The following CTNNA2 variants were observed in gnomAD, a reference collection of about 807,000 sequenced individuals.
CTNNA2 encodes the protein catenin alpha 2.
A neutral mutation model predicts 101.0 loss-of-function variants in CTNNA2; 42 were observed. The observed-to-expected ratio is 0.42, with a 90% CI of 0.32 to 0.54. CTNNA2 has a LOEUF of 0.54. Among genes scored for constraint, CTNNA2 ranks in the 20% least tolerant of loss-of-function variants. CTNNA2 has a pLI of 0.14. For synonymous variants in CTNNA2, 450 were observed against 456.4 expected (o/e 0.99, Z 0.18); for missense variants, 871 against 1,223.1 (o/e 0.71, Z 4.29).
chr2:79,306,563 G>C (rs1311926410), intron 2 of CTNNA2, among the ~76,000 whole-genome samples: 1 of 152,122 alleles, frequency 6.6e-6, no homozygotes, highest in Non-Finnish European at 1.5e-5. Context: ...ACACACTTTT[G>C]GTGGACACAG....
chr2:80,614,867 T>G (rs926564290), intron 17 of CTNNA2, among the ~76,000 whole-genome samples: 7 of 151,384 alleles, frequency 4.6e-5, no homozygotes, highest in African/African-American at 1.7e-4. Flanking sequence ...TGAAGACCTT[T>G]ATTTAGAAAT....
At chr2:79,758,419 C>T (rs944418141) in intron 3 of CTNNA2, among the ~76,000 whole-genome samples, 1 of 152,226 alleles carries the variant, frequency 6.6e-6, no homozygotes, top group Non-Finnish European at 1.5e-5. Context: ...TGTGACTCTT[C>T]TTTTTTTAAA....
At chr2:80,387,104 T>G (rs11126763) in intron 7 of CTNNA2, among the ~76,000 whole-genome samples, 1 of 151,934 alleles carries the variant, frequency 6.6e-6, no homozygotes, top group African/African-American at 2.4e-5. Flanking sequence ...TTGGCTAACA[T>G]GGTGAAACCC....
chr2:79,721,110 A>G (rs1402357033), intron 2 of CTNNA2, among the ~76,000 whole-genome samples: 1 of 151,570 alleles, frequency 6.6e-6, no homozygotes, highest in East Asian at 1.9e-4. Flanking sequence ...AATCTCAACC[A>G]TTAAGCTCAG....
rs532799896 is a variant in CTNNA2, at chr2:79,349,571, A to G, written c.-317-24260A>G. On this transcript the variant is annotated intron_variant, in intron 3 of 21. Transcript: ENST00000466387. ...CCAGCCAAATATAAATGGAAAGATA[A>G]TTAACATTCTATAGATTAGATACAC... Among the ~76,000 whole-genome samples the G allele has an allele frequency of 5.3e-5, 8 of 152,350 alleles. No homozygotes were observed. In the South Asian group the frequency reaches 1.2e-3, roughly 24 times the overall value.
Position 80,471,273 on chromosome 2 carries a change from A to G in CTNNA2, c.1290+51672A>G, listed in dbSNP as rs541369247. 5.6e-4 allele frequency among the ~76,000 whole-genome samples: 85 copies of G among 152,332 alleles called. 1 individual carries two copies. The highest frequency in any genetic ancestry group is 6.8e-3 in the Middle Eastern group (2 of 294). On this transcript the variant is annotated intron_variant, in intron 9 of 18. Coordinates refer to ENST00000402739, the MANE Select transcript of CTNNA2 (RefSeq NM_001282597.3). ...ATGGTGATTGTTCTTATCCATGAGA[A>G]AGCCAGGGTGCTTCCACGATAAGAT...
Position 79,867,167 on chromosome 2 carries a change from A to G in CTNNA2, c.466-2649A>G, listed in dbSNP as rs139176497. On this transcript the variant is annotated intron_variant, in intron 4 of 18. Transcript: ENST00000402739. ...GCAAGGTATTTGTTTGGGCCATAGG[A>G]GTCACTTTCCTTTCTCTAGCTGCCC... Among the ~76,000 whole-genome samples, 132 of 152,302 alleles carry G rather than the reference A, an allele frequency of 8.7e-4. 1 individual carries two copies. Among genetic ancestry groups the G allele is most frequent in the African/African-American group, 3.1e-3 (130 of 41,566 alleles).
chr2:80,046,174 C>G lies in CTNNA2; in HGVS notation c.1056+136377C>G, dbSNP rs542016464. ...CACAAATGTAAAGACAGTGATAACA[C>G]AAGGAAGATTTGAGAGCAATTGAGG... On this transcript the variant is annotated intron_variant, in intron 7 of 18. Coordinates refer to ENST00000402739, the MANE Select transcript of CTNNA2 (RefSeq NM_001282597.3). 9.1e-4 allele frequency among the ~76,000 whole-genome samples: 139 copies of G among 152,260 alleles called. 1 individual carries two copies. Among genetic ancestry groups the G allele is most frequent in the Non-Finnish European group, 1.8e-3 (121 of 68,016 alleles).
At chr2:79,394,788 T>A (rs1039398131) in intron 4 of CTNNA2, among the ~76,000 whole-genome samples, 2 of 34,216 alleles carry the variant, frequency 5.8e-5, no homozygotes, top group African/African-American at 1.3e-4. Flanking sequence ...CTTAAAAAAA[T>A]TTTTTTTGTA....
intron 7 of CTNNA2, among the ~76,000 whole-genome samples, chr2:79,951,759 C>T (rs933709551): frequency 6.6e-6 from 1 of 152,126 alleles, no homozygotes; most frequent in Non-Finnish European, 1.5e-5. Flanking sequence ...TCCATTCAAA[C>T]TATCCTACCC....
At chr2:80,125,415 A>G (rs139192456) in intron 7 of CTNNA2, among the ~76,000 whole-genome samples, 7 of 152,170 alleles carry the variant, frequency 4.6e-5, no homozygotes, top group African/African-American at 1.7e-4. Flanking sequence ...AGAGATTTCA[A>G]TGGGACTGTA....
chr2:79,366,898 TA>T (rs1439974866), intron 3 of CTNNA2, among the ~76,000 whole-genome samples: 1 of 152,202 alleles, frequency 6.6e-6, no homozygotes, highest in Admixed American at 6.5e-5. Context: ...CTATTTAATA[TA>T]AAGGGTGGTA....
At chr2:79,638,605 A>G (rs1217747140) in intron 1 of CTNNA2, among the ~76,000 whole-genome samples, 1 of 152,174 alleles carries the variant, frequency 6.6e-6, no homozygotes, top group Non-Finnish European at 1.5e-5. Flanking sequence ...CTGGATGCAA[A>G]GCAGTACCTG....
intron 3 of CTNNA2, among the ~76,000 whole-genome samples, chr2:79,314,523 C>T (rs1167206557): frequency 6.6e-6 from 1 of 152,162 alleles, no homozygotes. Flanking sequence ...TATTGAGGAT[C>T]CAGTAGTAAT....
intron 2 of CTNNA2, among the ~76,000 whole-genome samples, chr2:79,286,990 C>A (rs557520980): frequency 6.6e-6 from 1 of 152,270 alleles, no homozygotes; most frequent in South Asian, 2.1e-4. Context: ...TCCCTTCTTG[C>A]TTCATTTCAT....
At chr2:79,969,330 G>A (rs77251092) in intron 7 of CTNNA2, among the ~76,000 whole-genome samples, 2,231 of 152,232 alleles carry the variant, frequency 0.015, 54 homozygotes, top group African/African-American at 0.051. Flanking sequence ...TTGGAGCCCC[G>A]TGCTCTAAAG....
chr2:80,085,111 G>A (rs1699362338), intron 7 of CTNNA2, among the ~76,000 whole-genome samples: 1 of 152,046 alleles, frequency 6.6e-6, no homozygotes, highest in Non-Finnish European at 1.5e-5. Context: ...GTGAGAATAG[G>A]CCAAGTTAAG....
chr2:79,880,272 A>C (rs1683326429), intron 6 of CTNNA2, among the ~76,000 whole-genome samples: 1 of 152,106 alleles, frequency 6.6e-6, no homozygotes, highest in Non-Finnish European at 1.5e-5. Context: ...ATTGGCATGA[A>C]GTTTTCCTTT....
intron 7 of CTNNA2, among the ~76,000 whole-genome samples, chr2:80,340,512 A>G (rs1023302302): frequency 3.3e-5 from 5 of 152,210 alleles, no homozygotes; most frequent in Admixed American, 1.3e-4. Context: ...GGAAGAATTG[A>G]GTCTCTTCCC....
Sources: allele counts gnomAD v4.1 joint callset (sites outside exome capture counted in the v4.1 genomes callset), GRCh38; gene constraint gnomAD v4.1.1; transcripts MANE v1.5; gene names NCBI Gene and HGNC (gene_info 2026-07-23, HGNC 2026-07-21).